KREMEN1: variants seen among roughly 807,000 people sequenced by gnomAD.
KREMEN1 encodes kringle containing transmembrane protein 1, also known as kremen protein 1.
Under a neutral mutation model 46.5 loss-of-function variants are expected in KREMEN1, and 30 were observed. That is an observed-to-expected ratio of 0.65 (90% CI 0.48 to 0.88). The LOEUF (loss-of-function observed/expected upper bound fraction) is 0.88. Among genes scored for constraint, KREMEN1 ranks in the 40% least tolerant of loss-of-function variants. KREMEN1 has a pLI of 0.00. For missense variants in KREMEN1, 533 were observed against 596.9 expected (o/e 0.89, Z 1.11); for synonymous variants, 214 against 230.6 (o/e 0.93, Z 0.65).
chr22:29,076,494 G>A (rs1210224631), intron 1 of KREMEN1, among the ~76,000 whole-genome samples: 1 of 152,274 alleles, frequency 6.6e-6, no homozygotes, highest in East Asian at 1.9e-4. Flanking sequence ...ACACCATTTC[G>A]ACCTGCTATC....
At chr22:29,166,360 C>A (rs1339623806) in intron 9 of KREMEN1, among the ~76,000 whole-genome samples, 1 of 152,068 alleles carries the variant, frequency 6.6e-6, no homozygotes, top group Non-Finnish European at 1.5e-5. Flanking sequence ...CATGCACCTG[C>A]TGGACAGCTG....
intron 2 of KREMEN1, among the ~76,000 whole-genome samples, chr22:29,095,082 A>G (rs1175092255): frequency 2.0e-5 from 3 of 152,142 alleles, no homozygotes; most frequent in Non-Finnish European, 4.4e-5. Flanking sequence ...ACTACCGAGA[A>G]TGTCGTGGTC....
intron 3 of KREMEN1, among the ~76,000 whole-genome samples, chr22:29,102,121 C>T (rs2037986543): frequency 6.6e-6 from 1 of 152,174 alleles, no homozygotes; most frequent in East Asian, 1.9e-4. Flanking sequence ...TAAACCTGCT[C>T]TTTGCATTGC....
At chr22:29,131,014 C>T (rs1264683417) in intron 5 of KREMEN1, among the ~76,000 whole-genome samples, 1 of 152,108 alleles carries the variant, frequency 6.6e-6, no homozygotes, top group Non-Finnish European at 1.5e-5. Context: ...TTAAGGTCTG[C>T]CCTTGCTATT....
intron 9 of KREMEN1, among the ~76,000 whole-genome samples, chr22:29,154,982 T>C (rs12628352): frequency 0.054 from 8,229 of 152,134 alleles, 340 homozygotes; most frequent in East Asian, 0.1. Context: ...TATGTCACCA[T>C]TGAAATTAAT....
At position 29,080,618 on chromosome 22, in the gene KREMEN1, A is replaced by G. The variant is rs565335845; in HGVS notation, c.97+7391A>G. ...AGGGGGCCAGGGGCTGAGCTGAGAA[A>G]GTCTCCCTTGAGAACAATCTTTAGT... On this transcript the variant is annotated intron_variant, in intron 1 of 8. Coordinates refer to ENST00000400335, the MANE Select transcript of KREMEN1 (RefSeq NM_001039570.3). 2.6e-5 allele frequency among the ~76,000 whole-genome samples: 4 copies of G among 152,336 alleles called. No homozygotes were observed. The East Asian group carries it at 5.8e-4, about 22-fold the overall frequency.
In KREMEN1 at chr22:29,137,627, T is replaced by A. The variant is rs2038690215; in HGVS notation, c.917T>A (p.Phe306Tyr). ...VSLDFVILYF[F>Y]SDRINQAQGF... ...CTGGACTTCGTCATCTTGTATTTCT[T>A]CTCTGATCGCATCAATCAGGCCCAG... The change falls in exon 6 of 9, where the codon TTC becomes TAC. Residue 306 changes from phenylalanine (F) to tyrosine (Y), a missense_variant. Phe to Tyr is a conservative substitution (Grantham distance 22). Coordinates refer to ENST00000400335, the MANE Select transcript of KREMEN1 (RefSeq NM_001039570.3). 6.2e-7 allele frequency: 1 copy of A among 1,610,780 alleles called. No homozygotes were observed. Among genetic ancestry groups the A allele is most frequent in the Non-Finnish European group, 8.5e-7 (1 of 1,177,174 alleles).
chr22:29,078,991 C>T (rs2037614555), intron 1 of KREMEN1, among the ~76,000 whole-genome samples: 1 of 152,196 alleles, frequency 6.6e-6, no homozygotes, highest in South Asian at 2.1e-4. Context: ...CTAGGAGGAG[C>T]AGTCTGAGGT....
In KREMEN1 at chr22:29,145,841, G is replaced by C. The variant is rs1277635245; in HGVS notation, c.*3729G>C. 1 of 985,462 alleles carries C rather than the reference G, an allele frequency of 1.0e-6. No homozygotes were observed. The highest frequency in any genetic ancestry group is 6.1e-5 in the Admixed American group (1 of 16,264). 61.0% of individuals were successfully genotyped at this position (985,462 alleles called of 1,614,324 possible). ...GAAGCCCACAGAGATCAAAGCACTA[G>C]CAAGTTCAGCTGTCCTGGCCCTCGG... On this transcript the variant is annotated 3_prime_UTR_variant, in exon 9 of 9. Coordinates refer to ENST00000400335, the MANE Select transcript of KREMEN1 (RefSeq NM_001039570.3).
Position 29,098,956 on chromosome 22 carries a change from A to G in KREMEN1, c.352+3A>G. ...CTGTGAGATACCTGCTTGCCAGAGT[A>G]AGACTGTAATACCCAATGTGATGGT... On this transcript the variant is annotated splice_donor_region_variant and intron_variant, in intron 3 of 8. Transcript: ENST00000400335. The G allele has an allele frequency of 6.2e-7, 1 of 1,604,600 alleles. No individual in the cohort carries two copies. The highest frequency in any genetic ancestry group is 1.3e-5 in the African/African-American group (1 of 74,886).
At chr22:29,167,177 T>C in exon 10 of KREMEN1, 2 of 1,211,964 alleles carry the variant, frequency 1.7e-6, no homozygotes, top group Non-Finnish European at 2.4e-6. Flanking sequence ...ACACCTTCAT[T>C]GCCTCTCCTC....
chr22:29,103,570 G>A (rs1256178466), intron 3 of KREMEN1, among the ~76,000 whole-genome samples: 1 of 152,198 alleles, frequency 6.6e-6, no homozygotes, highest in African/African-American at 2.4e-5. Context: ...ATTGCAGCCA[G>A]GAGAAATGCA....
At chr22:29,149,200 G>T (rs2038896662), downstream of KREMEN1, among the ~76,000 whole-genome samples, 1 of 150,726 alleles carries the variant, frequency 6.6e-6, no homozygotes, top group South Asian at 2.1e-4. Flanking sequence ...GTCTCGCTCT[G>T]TCTCCAGGCT....
At chr22:29,162,124 A>T (rs907926952) in intron 9 of KREMEN1, among the ~76,000 whole-genome samples, 89 of 152,196 alleles carry the variant, frequency 5.8e-4, no homozygotes, top group Non-Finnish European at 9.7e-4. Context: ...CTCAAAAAAA[A>T]AAAAAAGATT....
intron 4 of KREMEN1, among the ~76,000 whole-genome samples, chr22:29,122,284 A>G (rs1174284262): frequency 2.6e-5 from 4 of 152,218 alleles, no homozygotes; most frequent in Non-Finnish European, 4.4e-5. Flanking sequence ...CCACTTCAGG[A>G]TGTCTGAAGT....
intron 1 of KREMEN1, among the ~76,000 whole-genome samples, chr22:29,091,904 A>G (rs941118460): frequency 6.6e-6 from 1 of 152,328 alleles, no homozygotes; most frequent in East Asian, 1.9e-4. Context: ...TGGGCAGGAA[A>G]TAGCATAGTG....
At chr22:29,133,203 G>GT (rs970405352) in intron 5 of KREMEN1, among the ~76,000 whole-genome samples, 3 of 148,278 alleles carry the variant, frequency 2.0e-5, no homozygotes, top group Admixed American at 6.8e-5. Context: ...AGCAGAGATC[G>GT]CGTCATTGCA....
chr22:29,119,107 G>A (rs905807489), intron 3 of KREMEN1, among the ~76,000 whole-genome samples: 4 of 152,098 alleles, frequency 2.6e-5, no homozygotes, highest in Non-Finnish European at 4.4e-5. Flanking sequence ...CAGCACTTTG[G>A]GAGGCTGAGG....
At chr22:29,082,034 A>G (rs139758060) in intron 1 of KREMEN1, among the ~76,000 whole-genome samples, 61 of 152,040 alleles carry the variant, frequency 4.0e-4, no homozygotes, top group Non-Finnish European at 7.1e-4. Context: ...TTGCCATCTG[A>G]CATTAAAAAT....
Sources: allele counts gnomAD v4.1 joint callset (sites outside exome capture counted in the v4.1 genomes callset), GRCh38; gene constraint gnomAD v4.1.1; transcripts MANE v1.5; gene names NCBI Gene and HGNC (gene_info 2026-07-23, HGNC 2026-07-21).